CFAP77: variants seen among roughly 807,000 people sequenced by gnomAD.
The protein encoded by CFAP77 is cilia and flagella associated protein 77.
In CFAP77, 25 loss-of-function variants were observed where a neutral mutation model predicts 31.1. The observed-to-expected ratio is 0.80, with a 90% CI of 0.59 to 1.12. The LOEUF is 1.12. Ranked by LOEUF, CFAP77 falls within the 50% of genes most tolerant of loss-of-function variation. CFAP77 has a pLI of 0.00. For missense variants in CFAP77, 377 were observed against 397.3 expected (o/e 0.95, Z 0.44); for synonymous variants, 151 against 159.9 (o/e 0.94, Z 0.42).
At chr9:132,504,810 A>C (rs997233808) in intron 3 of CFAP77, among the ~76,000 whole-genome samples, 2 of 152,146 alleles carry the variant, frequency 1.3e-5, no homozygotes, top group Admixed American at 6.5e-5. Flanking sequence ...ACCTTGCAGC[A>C]TAAGTGCGGA....
At chr9:132,509,301 G>A (rs577882) in intron 3 of CFAP77, among the ~76,000 whole-genome samples, 2,146 of 152,304 alleles carry the variant, frequency 0.014, 52 homozygotes, top group African/African-American at 0.049. Context: ...AGCCCTTAGC[G>A]GCCTGAACAG....
chr9:132,514,964 C>A (rs1315603701), intron 3 of CFAP77, among the ~76,000 whole-genome samples: 1 of 152,168 alleles, frequency 6.6e-6, no homozygotes, highest in Non-Finnish European at 1.5e-5. Flanking sequence ...CTCAGCCCCC[C>A]AGCCCGCCCC....
At chr9:132,548,959 T>C (rs1273216844) in intron 5 of CFAP77, among the ~76,000 whole-genome samples, 1 of 152,198 alleles carries the variant, frequency 6.6e-6, no homozygotes, top group Non-Finnish European at 1.5e-5. Context: ...TAACCCTGCT[T>C]CGGGTCTCCT....
At chr9:132,521,777 T>TTTTTTTTTTTG (rs1852269799) in intron 3 of CFAP77, among the ~76,000 whole-genome samples, 1 of 132,074 alleles carries the variant, frequency 7.6e-6, no homozygotes, top group Non-Finnish European at 1.6e-5. Context: ...TTTTTTTTTT[T>TTTTTTTTTTTG]TTTTTTTGAG....
At chr9:132,471,020 A>AT (rs1331491752) in intron 1 of CFAP77, among the ~76,000 whole-genome samples, 4 of 151,988 alleles carry the variant, frequency 2.6e-5, no homozygotes, top group Admixed American at 6.6e-5. Flanking sequence ...GGATATGTTT[A>AT]TTTTTTTTCC....
chr9:132,491,662 A>C (rs958851458), intron 1 of CFAP77, among the ~76,000 whole-genome samples: 3 of 152,158 alleles, frequency 2.0e-5, no homozygotes, highest in Non-Finnish European at 4.4e-5. Flanking sequence ...GACTGCTGTC[A>C]CTCATGGATT....
chr9:132,462,891 A>G (rs1217820456), intron 1 of CFAP77, among the ~76,000 whole-genome samples: 2 of 152,240 alleles, frequency 1.3e-5, no homozygotes, highest in Admixed American at 1.3e-4. Context: ...TATATATTTT[A>G]CAGAGTGAAC....
intron 3 of CFAP77, among the ~76,000 whole-genome samples, chr9:132,505,507 A>T (rs555219459): frequency 2.0e-5 from 3 of 151,820 alleles, no homozygotes; most frequent in Non-Finnish European, 4.4e-5. Context: ...ATGGGGGCAG[A>T]CTGGGGGCCG....
At chr9:132,512,768 G>A (rs1272641225) in intron 3 of CFAP77, among the ~76,000 whole-genome samples, 4 of 152,122 alleles carry the variant, frequency 2.6e-5, no homozygotes, top group African/African-American at 4.8e-5. Context: ...CCAACATGGC[G>A]AAACCTTGTC....
chr9:132,442,899 C>G lies in CFAP77; in HGVS notation c.195+32433C>G, dbSNP rs149039715. ...TTCATGCATTCACGATGTTGTACAA[C>G]TAGCACCTCTGTTTTGAAAGTTTTT... is the stretch of plus-strand genomic sequence containing the variant. On this transcript the variant is annotated intron_variant, in intron 1 of 5. Coordinates refer to ENST00000393216, the MANE Select transcript of CFAP77 (RefSeq NM_001282957.2). Among the ~76,000 whole-genome samples, 166 of 152,216 alleles carry G rather than the reference C, an allele frequency of 1.1e-3. 4 individuals carry two copies. In the East Asian group the frequency reaches 0.029, roughly 26 times the overall value.
In CFAP77 at chr9:132,410,276, C is replaced by T; in HGVS notation, c.5C>T (p.Pro2Leu). 6.4e-7 allele frequency: 1 copy of T among 1,571,176 alleles called. No individual in the cohort carries two copies. Among genetic ancestry groups the T allele is most frequent in the Non-Finnish European group, 8.6e-7 (1 of 1,160,972 alleles). The change falls in exon 1 of 6, where the codon CCA (proline) becomes CTA (leucine). Residue 2 changes from proline (P) to leucine (L), a missense_variant. Coordinates refer to ENST00000393216, the MANE Select transcript of CFAP77 (RefSeq NM_001282957.2). ...GGCTCCCCGGCGACCTCAAGGATGC[C>T]AGAGGCCAGGAGCTCCGGCCCGGAC... is the stretch of plus-strand genomic sequence containing the variant. M[P>L]EARSSGPDLT...
At chr9:132,500,483 T>G (rs1373988558) in intron 3 of CFAP77, among the ~76,000 whole-genome samples, 1 of 152,246 alleles carries the variant, frequency 6.6e-6, no homozygotes, top group Non-Finnish European at 1.5e-5. Context: ...TAATGTGAGT[T>G]GTAGATCCAA....
chr9:132,516,450 C>T (rs1219747887), intron 3 of CFAP77, among the ~76,000 whole-genome samples: 4 of 152,106 alleles, frequency 2.6e-5, no homozygotes, highest in Non-Finnish European at 5.9e-5. Flanking sequence ...GATGCGGTCC[C>T]TGGAACTTGA....
chr9:132,432,148 A>G (rs746899847), intron 1 of CFAP77, among the ~76,000 whole-genome samples: 3 of 152,222 alleles, frequency 2.0e-5, no homozygotes, highest in Non-Finnish European at 4.4e-5. Flanking sequence ...GAGCCCAGGA[A>G]CACAGACCTT....
Position 132,462,630 on chromosome 9 carries a change from G to A in CFAP77, c.196-36065G>A, listed in dbSNP as rs1201094760. ...GGAGTTCGAGACCAGCCTGGCTAAC[G>A]TGGTAAAACCCCGTCTCTACCAAAA... On this transcript the variant is annotated intron_variant, in intron 1 of 5. Transcript: ENST00000393216. Among the ~76,000 whole-genome samples the A allele has an allele frequency of 2.6e-5, 4 of 152,098 alleles. No homozygotes were observed. In the South Asian group the frequency reaches 8.3e-4, roughly 32 times the overall value.
Position 132,525,020 on chromosome 9 carries a change from TA to T in CFAP77, c.525-12579del, listed in dbSNP as rs761074388. ...CTTCGATTACCTCTTTATGTGATAG[TA>T]ATTTTTTTTTTTTTTTGAGATGGAG... On this transcript the variant is annotated intron_variant, in intron 3 of 5. Coordinates refer to ENST00000393216, the MANE Select transcript of CFAP77 (RefSeq NM_001282957.2). 1.3e-3 allele frequency among the ~76,000 whole-genome samples: 164 copies of T among 126,622 alleles called. 5 individuals carry two copies. The highest frequency in any genetic ancestry group is 2.2e-3 in the Non-Finnish European group (135 of 60,524). The allele number at this position is 126,622 out of a possible 152,430, so 83.1% of individuals were successfully genotyped here.
intron 5 of CFAP77, among the ~76,000 whole-genome samples, chr9:132,550,955 C>T (rs1380817226): frequency 6.6e-6 from 1 of 152,136 alleles, no homozygotes; most frequent in Non-Finnish European, 1.5e-5. Context: ...ATGCTACAAA[C>T]ACAGCCTGAC....
At chr9:132,428,858 G>GTT in intron 1 of CFAP77, among the ~76,000 whole-genome samples, 1 of 152,212 alleles carries the variant, frequency 6.6e-6, no homozygotes, top group South Asian at 2.1e-4. Context: ...CTGCGATGGT[G>GTT]TTGGTCAGGG....
intron 1 of CFAP77, among the ~76,000 whole-genome samples, chr9:132,444,872 A>G (rs1850683021): frequency 6.6e-6 from 1 of 152,078 alleles, no homozygotes. Context: ...ATCCAGCTCC[A>G]GAACTCTTTT....
Sources: gnomAD v4.1 joint callset for allele counts (sites outside exome capture counted in the v4.1 genomes callset) on GRCh38, gnomAD v4.1.1 for gene constraint, MANE v1.5 for transcripts, NCBI Gene and HGNC (gene_info 2026-07-23, HGNC 2026-07-21) for gene names.